Variants in TMCO4 observed in about 807,000 individuals in gnomAD.
The protein encoded by TMCO4 is transmembrane and coiled-coil domain-containing protein 4.
Under a neutral mutation model 64.7 loss-of-function variants are expected in TMCO4, and 58 were observed. That is an observed-to-expected ratio of 0.90 (90% CI 0.73 to 1.12). The LOEUF (loss-of-function observed/expected upper bound fraction) is 1.12, where lower values mean the gene tolerates loss of function less well. TMCO4 is among the 50% of genes most tolerant of loss of function. The pLI, the probability that TMCO4 is intolerant of heterozygous loss-of-function variation, is 0.00. For synonymous variants in TMCO4, 325 were observed against 346.1 expected (o/e 0.94, Z 0.68); for missense variants, 780 against 825.9 (o/e 0.94, Z 0.68).
chr1:19,774,971 T>C (rs896048858), intron 4 of TMCO4, among the ~76,000 whole-genome samples: 3 of 152,194 alleles, frequency 2.0e-5, no homozygotes, highest in African/African-American at 4.8e-5. Context: ...GCACCCACCA[T>C]GCACGGGCCA....
rs78626077 is a variant in TMCO4 at position 19,743,253 on chromosome 1, T to C, written c.877+2279A>G. On this transcript the variant is annotated intron_variant, in intron 10 of 15. Transcript: ENST00000294543. The surrounding 1 kb of genome is among the most constrained non-coding windows in gnomAD (Gnocchi z 4.1). The stretch of plus-strand genomic sequence containing the variant: ...CTCATCTGGAAAAGGGGAGTGCGAA[T>C]GACAGCCACTTCCCTGGACTGAAGT... Among the ~76,000 whole-genome samples the C allele has an allele frequency of 0.02, 3,084 of 152,082 alleles. 61 individuals carry two copies. The highest frequency in any genetic ancestry group is 0.055 in the East Asian group (284 of 5,142).
intron 14 of TMCO4, among the ~76,000 whole-genome samples, chr1:19,697,813 T>C (rs987473265): frequency 6.6e-6 from 1 of 151,542 alleles, no homozygotes; most frequent in Non-Finnish European, 1.5e-5. Context: ...TTTTGCCATG[T>C]TGTTCAGGCT....
At chr1:19,733,515 G>A (rs554315158) in intron 13 of TMCO4, among the ~76,000 whole-genome samples, 1 of 152,288 alleles carries the variant, frequency 6.6e-6, no homozygotes, top group East Asian at 1.9e-4. Flanking sequence ...GTGACAAGAA[G>A]GAGAAACAGG....
intron 7 of TMCO4, among the ~76,000 whole-genome samples, chr1:19,749,287 T>A (rs1234428692): frequency 6.6e-6 from 1 of 152,214 alleles, no homozygotes; most frequent in African/African-American, 2.4e-5. Flanking sequence ...CCCTGCCCTG[T>A]CAAACTGAGT....
chr1:19,758,895 G>A (rs1321985321), intron 6 of TMCO4, among the ~76,000 whole-genome samples: 1 of 152,038 alleles, frequency 6.6e-6, no homozygotes, highest in Non-Finnish European at 1.5e-5. Flanking sequence ...GAGGTCAGGA[G>A]TTCAAGACCA....
intron 8 of TMCO4, 100 bp from the exon 9 acceptor site, chr1:19,746,699 C>T (rs547289247): frequency 1.1e-5 from 16 of 1,405,348 alleles, no homozygotes; most frequent in African/African-American, 1.0e-4. Flanking sequence ...CCGAGGTGGG[C>T]GGATCACGAG....
At chr1:19,705,638 G>A (rs545247135) in intron 13 of TMCO4, among the ~76,000 whole-genome samples, 3 of 151,978 alleles carry the variant, frequency 2.0e-5, no homozygotes, top group Non-Finnish European at 2.9e-5. Flanking sequence ...CCACTGGTTG[G>A]ACAAGCTTGC....
chr1:19,761,686 C>T (rs1010702949), intron 6 of TMCO4, among the ~76,000 whole-genome samples: 1 of 152,348 alleles, frequency 6.6e-6, no homozygotes, highest in South Asian at 2.1e-4. Context: ...ACAGCTTCCT[C>T]GGTCCCACAT....
chr1:19,752,612 A>T (rs1356811336), intron 7 of TMCO4, among the ~76,000 whole-genome samples: 1 of 152,150 alleles, frequency 6.6e-6, no homozygotes, highest in Non-Finnish European at 1.5e-5. Context: ...GTCTACAGAC[A>T]CTTTCCTAGT....
Position 19,747,176 on chromosome 1 carries a change from G to A in TMCO4, c.600C>T (p.Gly200=), listed in dbSNP as rs774018050. ...AGCTGGACTCACCGATCACCGTTCCGCCTCCGACAGTCGCCAGGCCTATCA... is the reference window on the plus strand; with the variant it reads ...AGCTGGACTCACCGATCACCGTTCCACCTCCGACAGTCGCCAGGCCTATCA... ...YLLIGLATVG[G]GTVIGVTGGL... Residue 200 remains glycine, a synonymous_variant, in exon 8 of 16, where the codon GGC becomes GGT. Coordinates refer to ENST00000294543, the MANE Select transcript of TMCO4 (RefSeq NM_181719.7). The A allele has an allele frequency of 1.7e-5, 28 of 1,613,672 alleles. No individual in the cohort carries two copies. The Admixed American group carries it at 2.2e-4, about 12-fold the overall frequency.
rs751695121 is a variant in TMCO4, at chr1:19,702,285, C to CAGAAAAAAA, written c.1265-1401_1265-1400insTTTTTTTCT. Among the ~76,000 whole-genome samples the CAGAAAAAAA allele has an allele frequency of 1.4e-3, 143 of 102,900 alleles. 3 individuals carry two copies. The East Asian group carries it at 0.027, about 20-fold the overall frequency. The allele number at this position is 102,900 out of a possible 152,430, so 67.5% of individuals were successfully genotyped here. ...TGCCTGGCCGAGACTCTTGTCTTTACAAAAAAAAAAAAAAAAAAAGTCAGG... is the reference window on the plus strand; with the variant it reads ...TGCCTGGCCGAGACTCTTGTCTTTACAGAAAAAAAAAAAAAAAAAAAAAAAAAAGTCAGG... On this transcript the variant is annotated intron_variant, in intron 13 of 15. Coordinates refer to ENST00000294543, the MANE Select transcript of TMCO4 (RefSeq NM_181719.7).
intron 3 of TMCO4, among the ~76,000 whole-genome samples, chr1:19,783,053 CA>C (rs1385489987): frequency 6.6e-6 from 1 of 152,294 alleles, no homozygotes; most frequent in East Asian, 1.9e-4. Context: ...AATAAAGGCA[CA>C]AAATGATCAA....
At chr1:19,764,619 T>C (rs2042647842) in intron 6 of TMCO4, among the ~76,000 whole-genome samples, 1 of 152,100 alleles carries the variant, frequency 6.6e-6, no homozygotes, top group East Asian at 1.9e-4. Context: ...TCCCAGCACT[T>C]TGGGAGGCCG....
chr1:19,689,477 T>C (rs1240604340), intron 15 of TMCO4, among the ~76,000 whole-genome samples: 3 of 152,116 alleles, frequency 2.0e-5, no homozygotes, highest in Non-Finnish European at 2.9e-5. Flanking sequence ...GCATCTTACA[T>C]GCGCTGCCCT....
chr1:19,746,637 T>C, intron 8 of TMCO4, 38 bp from the exon 9 acceptor site: 2 of 1,580,820 alleles, frequency 1.3e-6, no homozygotes, highest in Non-Finnish European at 1.7e-6. Flanking sequence ...GGAGTAAAAA[T>C]GTGGTGGCTG....
chr1:19,686,582 C>T (rs1433481045), intron 15 of TMCO4, among the ~76,000 whole-genome samples: 1 of 152,192 alleles, frequency 6.6e-6, no homozygotes, highest in Non-Finnish European at 1.5e-5. Context: ...AAACAGATTC[C>T]AGGGAAAATA....
At chr1:19,786,964 A>G (rs1278575690) in intron 3 of TMCO4, 62 bp downstream of exon 3, 2 of 152,186 alleles carry the variant, frequency 1.3e-5, no homozygotes, top group Non-Finnish European at 2.9e-5. Flanking sequence ...TGAACTCAGA[A>G]AGAAGACCAT....
chr1:19,795,896 C>T (rs140344710), intron 2 of TMCO4, among the ~76,000 whole-genome samples: 65 of 152,320 alleles, frequency 4.3e-4, no homozygotes, highest in Non-Finnish European at 8.1e-4. Context: ...CACCTGTGGA[C>T]GGGCCTAACC....
chr1:19,758,604 G>A (rs969692944), intron 6 of TMCO4, among the ~76,000 whole-genome samples: 1 of 152,150 alleles, frequency 6.6e-6, no homozygotes, highest in Non-Finnish European at 1.5e-5. Flanking sequence ...TTGGTGGCAG[G>A]GATGCTGGTC....
Sources: allele counts gnomAD v4.1 joint callset (sites outside exome capture counted in the v4.1 genomes callset), GRCh38; gene constraint gnomAD v4.1.1; non-coding constraint Gnocchi (gnomAD v3.1); transcripts MANE v1.5; gene names NCBI Gene and HGNC (gene_info 2026-07-23, HGNC 2026-07-21).